The following KCNMA1 variants were observed in gnomAD, a reference collection of about 807,000 sequenced individuals.
The protein encoded by KCNMA1 is Calcium-activated potassium channel subunit alpha-1.
A neutral mutation model predicts 140.0 loss-of-function variants in KCNMA1; 29 were observed. The observed-to-expected ratio is 0.21, with a 90% CI of 0.15 to 0.28. KCNMA1 has a LOEUF of 0.28. Ranked by LOEUF, KCNMA1 falls within the 10% of genes least tolerant of loss-of-function variation. KCNMA1 has a pLI of 1.00. For missense variants in KCNMA1, 880 were observed against 1,602.2 expected, an observed-to-expected ratio of 0.55 and a Z score of 7.70; for synonymous variants, 612 against 611.9, an observed-to-expected ratio of 1.00 and a Z score of 0.00.
At chr10:77,328,773 G>A (rs1216150029) in intron 2 of KCNMA1, among the ~76,000 whole-genome samples, 3 of 152,098 alleles carry the variant, frequency 2.0e-5, no homozygotes, top group Non-Finnish European at 2.9e-5. Context: ...AAGACTCTTC[G>A]ACATCAAGTT....
At chr10:77,426,025 C>T (rs1490532809) in intron 1 of KCNMA1, among the ~76,000 whole-genome samples, 1 of 152,186 alleles carries the variant, frequency 6.6e-6, no homozygotes, top group African/African-American at 2.4e-5. Context: ...TTCAAGAGTA[C>T]AGACTACACA....
At chr10:77,505,239 G>A (rs986410596) in intron 1 of KCNMA1, among the ~76,000 whole-genome samples, 3 of 152,254 alleles carry the variant, frequency 2.0e-5, no homozygotes, top group African/African-American at 7.2e-5. Context: ...GTCCAAGTGA[G>A]TACAGGGCAA....
chr10:77,123,524 T>C lies in KCNMA1; in HGVS notation c.809-2476A>G, dbSNP rs565620807. ...CTCATACCAGTATCACTGTCGCATATTGCTGAGCTAAAACGACAAATGTAG... is the reference window on the plus strand; with the variant it reads ...CTCATACCAGTATCACTGTCGCATACTGCTGAGCTAAAACGACAAATGTAG... On this transcript the variant is annotated intron_variant, in intron 5 of 27. Coordinates refer to ENST00000286628, the MANE Select transcript of KCNMA1 (RefSeq NM_001161352.2). Among the ~76,000 whole-genome samples the C allele has an allele frequency of 4.6e-5, 7 of 152,272 alleles. No homozygotes were observed. In the East Asian group the frequency reaches 1.4e-3, roughly 29 times the overall value.
Position 77,637,531 on chromosome 10 carries a change from C to A in KCNMA1, c.112G>T (p.Ala38Ser), listed in dbSNP as rs767099267. ...GAGGAGGAGGAGGAGGAGGAGGACG[C>A]GTCTAGGCTGAGATGGTTCGCGTGG... Reference protein sequence around the residue: ...NIHANHLSLDASSSSSSSSSS... With the variant: ...NIHANHLSLDSSSSSSSSSSS... The change falls in exon 1 of 28, where the codon GCG becomes TCG. Residue 38 changes from alanine to serine, a missense_variant. Around this residue, in one of 13 missense-constraint regions of KCNMA1, gnomAD observed 94 missense variants for 92.4 expected, o/e 1.02. Coordinates refer to ENST00000286628, the MANE Select transcript of KCNMA1 (RefSeq NM_001161352.2). The A allele has an allele frequency of 2.6e-6, 4 of 1,544,214 alleles. No homozygotes were observed. Among genetic ancestry groups the A allele is most frequent in the Admixed American group, 3.8e-5 (2 of 53,106 alleles).
chr10:77,489,597 C>T (rs1041921856), intron 1 of KCNMA1, among the ~76,000 whole-genome samples: 9 of 152,168 alleles, frequency 5.9e-5, no homozygotes, highest in Non-Finnish European at 1.2e-4. Context: ...CCTCAGCCTC[C>T]CAAAGTGCTG....
intron 19 of KCNMA1, chr10:76,974,577 C>T (rs1024153463): frequency 2.6e-6 from 4 of 1,534,102 alleles, no homozygotes; most frequent in African/African-American, 1.4e-5. Context: ...ACCTTGACTG[C>T]CAAACAATAA....
chr10:76,967,151 G>C (rs113533109), intron 20 of KCNMA1, among the ~76,000 whole-genome samples: 6 of 152,272 alleles, frequency 3.9e-5, no homozygotes, highest in African/African-American at 1.4e-4. Context: ...CCCATTCTGG[G>C]TTCTCCAGTT....
At chr10:77,016,123 G>A (rs368835606) in intron 17 of KCNMA1, among the ~76,000 whole-genome samples, 34 of 151,814 alleles carry the variant, frequency 2.2e-4, no homozygotes, top group Middle Eastern at 3.4e-3. Context: ...TTCCCTAGCC[G>A]CACTTTCCTT....
intron 1 of KCNMA1, among the ~76,000 whole-genome samples, chr10:77,459,595 G>A (rs1352030472): frequency 1.3e-5 from 2 of 152,164 alleles, no homozygotes; most frequent in Non-Finnish European, 2.9e-5. Context: ...GCTGGTCCCC[G>A]AATACCCACA....
chr10:76,961,296 A>G (rs1249587164), intron 20 of KCNMA1, among the ~76,000 whole-genome samples: 1 of 152,014 alleles, frequency 6.6e-6, no homozygotes, highest in Non-Finnish European at 1.5e-5. Flanking sequence ...TGTGGTGGAA[A>G]AAGTAAGAGA....
chr10:77,201,458 T>C (rs2042433865), intron 3 of KCNMA1, among the ~76,000 whole-genome samples: 1 of 152,164 alleles, frequency 6.6e-6, no homozygotes, highest in South Asian at 2.1e-4. Context: ...GAGCACAGGC[T>C]GAGATTCCCT....
At chr10:77,485,320 A>G (rs188027804) in intron 1 of KCNMA1, among the ~76,000 whole-genome samples, 247 of 152,340 alleles carry the variant, frequency 1.6e-3, no homozygotes, top group Middle Eastern at 3.4e-3. Context: ...TTCTTCCCCT[A>G]TTCCAAAGGA....
intron 15 of KCNMA1, among the ~76,000 whole-genome samples, chr10:77,034,061 G>A (rs1460779669): frequency 6.6e-6 from 1 of 152,028 alleles, no homozygotes; most frequent in Non-Finnish European, 1.5e-5. Flanking sequence ...GGGCAACATG[G>A]TGAAACCCCG....
chr10:77,066,142 G>A (rs2095935886), intron 14 of KCNMA1, among the ~76,000 whole-genome samples: 1 of 152,168 alleles, frequency 6.6e-6, no homozygotes, highest in Admixed American at 6.5e-5. Context: ...TGCTTGAGAA[G>A]GTTGTTCTGG....
chr10:77,587,354 A>G (rs192183166), intron 1 of KCNMA1, among the ~76,000 whole-genome samples: 5 of 152,298 alleles, frequency 3.3e-5, no homozygotes, highest in Non-Finnish European at 5.9e-5. Flanking sequence ...GGCGGAGATG[A>G]AACATTTGCA....
At chr10:77,568,221 C>T (rs1203465285) in intron 1 of KCNMA1, among the ~76,000 whole-genome samples, 2 of 152,070 alleles carry the variant, frequency 1.3e-5, no homozygotes, top group African/African-American at 4.8e-5. Context: ...GGAATCCTCC[C>T]TAACTCATTT....
chr10:77,008,434 C>T (rs1477699738), intron 18 of KCNMA1, among the ~76,000 whole-genome samples: 1 of 152,124 alleles, frequency 6.6e-6, no homozygotes, highest in African/African-American at 2.4e-5. Context: ...AAATAGTAGA[C>T]CCTGAGAACT....
chr10:77,305,863 T>A (rs2077578837), intron 2 of KCNMA1, among the ~76,000 whole-genome samples: 1 of 152,170 alleles, frequency 6.6e-6, no homozygotes, highest in Admixed American at 6.5e-5. Flanking sequence ...AAATGGGTGA[T>A]TACAATCTAT....
intron 1 of KCNMA1, among the ~76,000 whole-genome samples, chr10:77,631,560 C>A (rs986130279): frequency 2.0e-5 from 3 of 152,222 alleles, no homozygotes; most frequent in African/African-American, 7.2e-5. Context: ...GGGACGCCCA[C>A]TTTGGGAAGG....
Sources: gnomAD v4.1 joint callset for allele counts (sites outside exome capture counted in the v4.1 genomes callset) on GRCh38, gnomAD v4.1.1 for gene constraint, gnomAD v4.1.1 regional missense constraint, MANE v1.5 for transcripts, NCBI Gene and HGNC (gene_info 2026-07-23, HGNC 2026-07-21) for gene names.